FXR1: variants seen among roughly 807,000 people sequenced by gnomAD.
The protein encoded by FXR1 is RNA-binding protein FXR1.
FXR1 carries 15 observed loss-of-function variants against 84.0 expected under a neutral mutation model. That is an observed-to-expected ratio of 0.18 (90% CI 0.12 to 0.27). The LOEUF is 0.27. Ranked by LOEUF, FXR1 falls within the 10% of genes least tolerant of loss-of-function variation. FXR1 has a pLI of 1.00. For missense variants in FXR1, 480 were observed against 774.4 expected, an observed-to-expected ratio of 0.62 and a Z score of 4.51; for synonymous variants, 245 against 250.7, an observed-to-expected ratio of 0.98 and a Z score of 0.21.
chr3:180,951,600 C>A, intron 8 of FXR1, 132 bp downstream of exon 8: 1 of 595,686 alleles, frequency 1.7e-6, no homozygotes. Context: ...ATCAGTCAGC[C>A]TAGTAGTCTT....
intron 8 of FXR1, among the ~76,000 whole-genome samples, 185 bp from the exon 9 acceptor site, chr3:180,953,577 A>G (rs1722442121): frequency 6.6e-6 from 1 of 152,182 alleles, no homozygotes; most frequent in Non-Finnish European, 1.5e-5. Context: ...GGTTTTTAAA[A>G]ATGATTTTTT....
At chr3:180,928,537 G>A (rs1315125952) in intron 1 of FXR1, among the ~76,000 whole-genome samples, 1 of 151,842 alleles carries the variant, frequency 6.6e-6, no homozygotes, top group Non-Finnish European at 1.5e-5. Context: ...ATATCAAGGT[G>A]TCTAAGAACA....
chr3:180,921,597 C>G (rs1036269260), intron 1 of FXR1, among the ~76,000 whole-genome samples: 4 of 152,052 alleles, frequency 2.6e-5, no homozygotes, highest in African/African-American at 9.7e-5. Context: ...AATCAAATTA[C>G]AACTTAGATC....
intron 1 of FXR1, among the ~76,000 whole-genome samples, chr3:180,913,055 G>A (rs1717419709): frequency 6.6e-6 from 1 of 152,116 alleles, no homozygotes; most frequent in African/African-American, 2.4e-5. Flanking sequence ...CTCCTTCGGA[G>A]CAGGCCCGAG....
intron 13 of FXR1, among the ~76,000 whole-genome samples, chr3:180,966,394 C>T (rs1712835505): frequency 1.3e-5 from 2 of 152,142 alleles, no homozygotes; most frequent in Admixed American, 1.3e-4. Flanking sequence ...AAGTGAGGCA[C>T]CTTCATGTAT....
At chr3:180,918,468 G>T (rs1053100186) in intron 1 of FXR1, among the ~76,000 whole-genome samples, 28 of 152,152 alleles carry the variant, frequency 1.8e-4, no homozygotes, top group African/African-American at 6.3e-4. Context: ...GTAACTTTTA[G>T]GATAGTGAGC....
chr3:180,914,816 C>T, intron 1 of FXR1: 1 of 984,690 alleles, frequency 1.0e-6, no homozygotes, highest in East Asian at 1.1e-4. Context: ...TTGGAAAGGA[C>T]ACTAGCCACC....
At chr3:180,966,295 CTAAT>C (rs1351865994) in intron 13 of FXR1, among the ~76,000 whole-genome samples, 2 of 151,992 alleles carry the variant, frequency 1.3e-5, no homozygotes, top group Non-Finnish European at 2.9e-5. Flanking sequence ...AACTAATTAC[CTAAT>C]TGTTTTTATA....
intron 8 of FXR1, 147 bp downstream of exon 8, chr3:180,951,615 A>G: frequency 1.9e-6 from 1 of 536,158 alleles, no homozygotes; most frequent in African/African-American, 1.9e-5. Context: ...AGTCTTACTT[A>G]TGAAGCTGAA....
intron 13 of FXR1, 112 bp downstream of exon 13, chr3:180,963,202 AG>A (rs529126990): frequency 2.4e-4 from 147 of 605,680 alleles, no homozygotes; most frequent in Non-Finnish European, 3.9e-4. Context: ...CTTGGCTTTG[AG>A]GGTAGAAGGT....
intron 5 of FXR1, 58 bp from the exon 6 acceptor site, chr3:180,948,663 C>G: frequency 1.0e-6 from 1 of 997,240 alleles, no homozygotes; most frequent in South Asian, 1.4e-5. Flanking sequence ...TGTATTGTGA[C>G]TCTCCTCTGA....
At chr3:180,952,429 C>G (rs757893091) in intron 8 of FXR1, among the ~76,000 whole-genome samples, 1 of 152,094 alleles carries the variant, frequency 6.6e-6, no homozygotes, top group Admixed American at 6.5e-5. Context: ...CGGTGGCTCA[C>G]GTCTGTAACC....
At position 180,912,691 on chromosome 3, in the gene FXR1, G is replaced by C; in HGVS notation, c.6G>C (p.Ala2=). The change falls in exon 1 of 17, where the codon GCG becomes GCC. Residue 2 remains alanine (A), a synonymous_variant. Transcript: ENST00000357559. M[A]ELTVEVRGSN... ...GCGGCCTTTGCGGTTCCAACATGGCGGAGCTGACGGTGGAGGTTCGCGGCT... is the reference window on the plus strand; with the variant it reads ...GCGGCCTTTGCGGTTCCAACATGGCCGAGCTGACGGTGGAGGTTCGCGGCT... The C allele has an allele frequency of 2.5e-6, 4 of 1,613,934 alleles. No individual in the cohort carries two copies. The highest frequency in any genetic ancestry group is 3.4e-6 in the Non-Finnish European group (4 of 1,179,982).
At chr3:180,971,107 C>T (rs761294494) in intron 15 of FXR1, 19 of 1,272,062 alleles carry the variant, frequency 1.5e-5, no homozygotes, top group African/African-American at 3.1e-5. Context: ...GCGACGCAAT[C>T]GTAGCCGCAG....
At chr3:180,943,463 T>C (rs1423151018) in intron 3 of FXR1, among the ~76,000 whole-genome samples, 1 of 141,800 alleles carries the variant, frequency 7.1e-6, no homozygotes, top group African/African-American at 2.6e-5. Context: ...GACGGGGTTT[T>C]GCCATGTTGG....
chr3:180,971,848 A>G (rs1402367141), intron 15 of FXR1: 1 of 152,638 alleles, frequency 6.6e-6, no homozygotes, highest in Non-Finnish European at 1.5e-5. Flanking sequence ...AATCACATGT[A>G]TATTCACAAT....
chr3:180,913,170 C>T (rs1000583887), intron 1 of FXR1, among the ~76,000 whole-genome samples: 8 of 152,236 alleles, frequency 5.3e-5, no homozygotes, highest in African/African-American at 1.7e-4. Context: ...CAGCCCGCTC[C>T]TCCGACCCCT....
At chr3:180,965,210 T>A (rs1229704193) in intron 13 of FXR1, among the ~76,000 whole-genome samples, 1 of 152,030 alleles carries the variant, frequency 6.6e-6, no homozygotes, top group South Asian at 2.1e-4. Flanking sequence ...GAGACAGGGT[T>A]TCTCCATGTT....
Position 180,961,563 on chromosome 3 carries a change from A to G in FXR1, c.1077+9A>G. On this transcript the variant is annotated intron_variant, in intron 11 of 16. Transcript: ENST00000357559. Reference sequence around the variant, plus strand: ...ATATTGCCTATCTAAAGGTTTGTATACGGTTCATACTATATTCTGATATTG... The same window carrying G: ...ATATTGCCTATCTAAAGGTTTGTATGCGGTTCATACTATATTCTGATATTG... 8.3e-7 allele frequency: 1 copy of G among 1,210,024 alleles called. No individual in the cohort carries two copies. The highest frequency in any genetic ancestry group is 1.2e-6 in the Non-Finnish European group (1 of 813,524). The allele number at this position is 1,210,024 out of a possible 1,614,324, so 75.0% of individuals were successfully genotyped here.
Sources: gnomAD v4.1 joint callset for allele counts (sites outside exome capture counted in the v4.1 genomes callset) on GRCh38, gnomAD v4.1.1 for gene constraint, MANE v1.5 for transcripts, NCBI Gene and HGNC (gene_info 2026-07-23, HGNC 2026-07-21) for gene names.